Variants in STXBP6 observed in about 807,000 individuals in gnomAD.
The protein encoded by STXBP6 is syntaxin binding protein 6.
A neutral mutation model predicts 26.9 loss-of-function variants in STXBP6; 21 were observed. That is an observed-to-expected ratio of 0.78 (90% CI 0.55 to 1.12). The LOEUF (loss-of-function observed/expected upper bound fraction) is 1.12. STXBP6 is among the 50% of genes most tolerant of loss of function. The pLI, the probability that STXBP6 is intolerant of heterozygous loss-of-function variation, is 0.00. For synonymous variants in STXBP6, 97 were observed against 92.6 expected (o/e 1.05, Z -0.27); for missense variants, 232 against 257.9 (o/e 0.90, Z 0.69).
chr14:25,033,482 G>A (rs1940574091), intron 1 of STXBP6, among the ~76,000 whole-genome samples: 1 of 152,228 alleles, frequency 6.6e-6, no homozygotes, highest in African/African-American at 2.4e-5. Flanking sequence ...TAGGAACACT[G>A]GTGACTCTTG....
chr14:24,946,616 C>T (rs182901498), intron 2 of STXBP6, among the ~76,000 whole-genome samples: 4 of 152,238 alleles, frequency 2.6e-5, no homozygotes, highest in East Asian at 3.9e-4. Flanking sequence ...GAATCAAGTA[C>T]GGAGGGTCTC....
At chr14:24,861,386 G>A (rs1218315739) in intron 2 of STXBP6, among the ~76,000 whole-genome samples, 1 of 152,160 alleles carries the variant, frequency 6.6e-6, no homozygotes, top group African/African-American at 2.4e-5. Context: ...GGGAAAAGAA[G>A]AAAGCAAGCT....
At chr14:24,834,215 A>C (rs1483989199) in intron 4 of STXBP6, among the ~76,000 whole-genome samples, 1 of 152,148 alleles carries the variant, frequency 6.6e-6, no homozygotes, top group East Asian at 1.9e-4. Flanking sequence ...GGCTAGTCTT[A>C]AACTCCTGGG....
At chr14:25,036,141 C>T (rs546062542) in intron 1 of STXBP6, among the ~76,000 whole-genome samples, 2 of 146,552 alleles carry the variant, frequency 1.4e-5, no homozygotes, top group South Asian at 2.2e-4. Context: ...CACTTGAACC[C>T]GGGAGACGGA....
At chr14:25,041,994 GTGGAGAC>G (rs770172634) in intron 1 of STXBP6, among the ~76,000 whole-genome samples, 1 of 152,212 alleles carries the variant, frequency 6.6e-6, no homozygotes, top group Non-Finnish European at 1.5e-5. Flanking sequence ...ACATCAGGCT[GTGGAGAC>G]TGGAAACTAG....
chr14:24,928,341 T>C (rs2072255585), intron 2 of STXBP6, among the ~76,000 whole-genome samples: 1 of 151,928 alleles, frequency 6.6e-6, no homozygotes, highest in Non-Finnish European at 1.5e-5. Flanking sequence ...TTACCCCCTG[T>C]CAATGTTTCT....
intron 4 of STXBP6, among the ~76,000 whole-genome samples, chr14:24,826,288 AGG>A (rs1434693146): frequency 6.6e-6 from 1 of 152,124 alleles, no homozygotes; most frequent in African/African-American, 2.4e-5. Flanking sequence ...CACCTGTCCT[AGG>A]GATTGGTCTA....
At chr14:25,003,299 G>A (rs1045592929) in intron 1 of STXBP6, among the ~76,000 whole-genome samples, 47 of 152,260 alleles carry the variant, frequency 3.1e-4, no homozygotes, top group African/African-American at 1.1e-3. Flanking sequence ...GGAGAGCAGA[G>A]CCTCTTCCTG....
chr14:25,044,471 G>A (rs1325156661), intron 1 of STXBP6, among the ~76,000 whole-genome samples: 1 of 152,044 alleles, frequency 6.6e-6, no homozygotes, highest in African/African-American at 2.4e-5. Flanking sequence ...ATGACTAATG[G>A]CACAGGAACA....
chr14:24,902,110 T>A (rs2071234397), intron 2 of STXBP6, among the ~76,000 whole-genome samples: 1 of 152,138 alleles, frequency 6.6e-6, no homozygotes, highest in Admixed American at 6.5e-5. Flanking sequence ...TTAAAAAATT[T>A]TAAGAAATGT....
At chr14:24,959,568 T>C (rs2073460021) in intron 2 of STXBP6, among the ~76,000 whole-genome samples, 1 of 152,206 alleles carries the variant, frequency 6.6e-6, no homozygotes, top group Non-Finnish European at 1.5e-5. Context: ...TATCTTCAGG[T>C]AAGATGTGGC....
intron 4 of STXBP6, among the ~76,000 whole-genome samples, chr14:24,831,153 ATAGTT>A (rs1283930397): frequency 6.6e-6 from 1 of 152,204 alleles, no homozygotes; most frequent in Non-Finnish European, 1.5e-5. Context: ...AGTTTAAGCA[ATAGTT>A]TCTTAGTTAT....
rs542682480 is a variant in STXBP6, at chr14:24,856,290, T to C, written c.286-189A>G. Among the ~76,000 whole-genome samples the C allele has an allele frequency of 2.1e-4, 32 of 152,230 alleles. No individual in the cohort carries two copies. The South Asian group carries it at 4.4e-3, about 21-fold the overall frequency. On this transcript the variant is annotated intron_variant, in intron 3 of 5. Transcript: ENST00000323944. ...GAAGCAAACCCCAAATCTTACAGTATTGATACATGTTCCTAGGAAACTAGT... is the reference window on the plus strand; with the variant it reads ...GAAGCAAACCCCAAATCTTACAGTACTGATACATGTTCCTAGGAAACTAGT...
chr14:24,915,876 C>A (rs1426457878), intron 2 of STXBP6, among the ~76,000 whole-genome samples: 1 of 152,058 alleles, frequency 6.6e-6, no homozygotes, highest in Non-Finnish European at 1.5e-5. Context: ...ATTTAAAAAA[C>A]AAGACAATTC....
intron 1 of STXBP6, among the ~76,000 whole-genome samples, chr14:25,013,468 A>T (rs888978904): frequency 5.7e-4 from 72 of 126,430 alleles, no homozygotes; most frequent in African/African-American, 2.2e-3. Context: ...TCTCTCTTTC[A>T]CACACACACA....
chr14:24,861,039 A>G (rs184704804), intron 2 of STXBP6, among the ~76,000 whole-genome samples: 39 of 152,214 alleles, frequency 2.6e-4, no homozygotes, highest in Non-Finnish European at 4.1e-4. Context: ...ATTTCTCAAA[A>G]AAAGAAAGAA....
chr14:24,859,183 T>C (rs1466884143), intron 2 of STXBP6, among the ~76,000 whole-genome samples: 2 of 152,156 alleles, frequency 1.3e-5, no homozygotes, highest in Non-Finnish European at 2.9e-5. Context: ...AATGACCCCA[T>C]GGAATTCCTC....
At chr14:24,842,948 A>G (rs1416658370) in intron 4 of STXBP6, among the ~76,000 whole-genome samples, 1 of 152,158 alleles carries the variant, frequency 6.6e-6, no homozygotes, top group African/African-American at 2.4e-5. Context: ...TGGGAAGTAT[A>G]ATAGGCCCAA....
chr14:24,925,504 C>CA (rs2072130594), intron 2 of STXBP6, among the ~76,000 whole-genome samples: 1 of 152,148 alleles, frequency 6.6e-6, no homozygotes, highest in South Asian at 2.1e-4. Flanking sequence ...TGTGGCACTG[C>CA]AATTGCAGCA....
Sources: allele counts gnomAD v4.1 joint callset (sites outside exome capture counted in the v4.1 genomes callset), GRCh38; gene constraint gnomAD v4.1.1; transcripts MANE v1.5; gene names NCBI Gene and HGNC (gene_info 2026-07-23, HGNC 2026-07-21).